Variants in ATOSB observed in about 807,000 individuals in gnomAD.
The protein encoded by ATOSB is atos homolog B, also known as atos homolog protein B.
chr9:35,108,539 G>T, the ATOSB span: 1 of 1,227,252 alleles, frequency 8.1e-7, no homozygotes, highest in Non-Finnish European at 1.0e-6. Flanking sequence ...AGGGTGACAG[G>T]TTTAGCTCAG....
the ATOSB span, among the ~76,000 whole-genome samples, chr9:35,114,375 A>T: frequency 3.8e-4 from 57 of 150,652 alleles, 1 homozygote; most frequent in Non-Finnish European, 7.4e-4. Context: ...TGTCCTCAGC[A>T]GACCCACCCC....
At chr9:35,105,571 A>C in the ATOSB span, 1 of 1,223,516 alleles carries the variant, frequency 8.2e-7, no homozygotes, top group South Asian at 1.5e-5. This position sits in a 1 kb window ranked among gnomAD's most constrained non-coding sequence, Gnocchi z 5.5. Context: ...ACATACATAA[A>C]AATTTAAAAA....
At chr9:35,112,694 T>A in the ATOSB span, among the ~76,000 whole-genome samples, 1 of 152,196 alleles carries the variant, frequency 6.6e-6, no homozygotes, top group Admixed American at 6.5e-5. Context: ...TCGGATAATT[T>A]GGGACTTAGG....
chr9:35,105,758 G>C, the ATOSB span: 1 of 1,614,076 alleles, frequency 6.2e-7, no homozygotes, highest in Non-Finnish European at 8.5e-7. The surrounding 1 kb of genome is among the most constrained non-coding windows in gnomAD (Gnocchi z 5.5). Flanking sequence ...ACCAAAAAGA[G>C]GCGATGGCGC....
chr9:35,105,962 G>T, the ATOSB span: 1 of 1,614,064 alleles, frequency 6.2e-7, no homozygotes, highest in Non-Finnish European at 8.5e-7. This position sits in a 1 kb window ranked among gnomAD's most constrained non-coding sequence, Gnocchi z 5.5. Context: ...TGCCCACCTT[G>T]GGCACGCTGT....
chr9:35,111,713 C>T, the ATOSB span: 1 of 152,480 alleles, frequency 6.6e-6, no homozygotes, highest in East Asian at 1.9e-4. Context: ...AAGCCAGCCT[C>T]CCCGCGACCT....
At chr9:35,106,301 G>C in the ATOSB span, 1 of 1,614,196 alleles carries the variant, frequency 6.2e-7, no homozygotes, top group Non-Finnish European at 8.5e-7. The surrounding 1 kb of genome is among the most constrained non-coding windows in gnomAD (Gnocchi z 4.6). Context: ...GAATGTGACA[G>C]TGACAGGCAG....
At chr9:35,115,133 G>A in the ATOSB span, among the ~76,000 whole-genome samples, 3 of 152,004 alleles carry the variant, frequency 2.0e-5, no homozygotes, top group East Asian at 5.8e-4. Context: ...CGGGGGAAGG[G>A]TCCCCCGGGA....
the ATOSB span, chr9:35,108,279 C>A: frequency 5.2e-6 from 8 of 1,538,840 alleles, no homozygotes; most frequent in Non-Finnish European, 7.0e-6. Context: ...GCGCATGAAG[C>A]CCCCCTTGGG....
chr9:35,106,083 A>G, the ATOSB span: 2 of 1,533,688 alleles, frequency 1.3e-6, no homozygotes, highest in East Asian at 4.8e-5. This position sits in a 1 kb window ranked among gnomAD's most constrained non-coding sequence, Gnocchi z 4.6. Flanking sequence ...GTCCCTCTCC[A>G]CAAGCTCTCA....
chr9:35,106,633 G>A, the ATOSB span: 1 of 1,552,860 alleles, frequency 6.4e-7, no homozygotes, highest in Non-Finnish European at 8.7e-7. The surrounding 1 kb of genome is among the most constrained non-coding windows in gnomAD (Gnocchi z 4.6). Flanking sequence ...CGGAGGCTTC[G>A]AAGGGGGCTC....
chr9:35,107,632 C>T, the ATOSB span: 3 of 1,602,900 alleles, frequency 1.9e-6, no homozygotes, highest in African/African-American at 4.0e-5. Flanking sequence ...CCAGGGGACT[C>T]CCTAGGCCAG....
chr9:35,113,534 G>C, the ATOSB span, among the ~76,000 whole-genome samples: 1 of 152,280 alleles, frequency 6.6e-6, no homozygotes, highest in Admixed American at 6.5e-5. Context: ...TGAGGCAGGA[G>C]AATCACTTGA....
At chr9:35,104,559 CAT>C in the ATOSB span, 2 of 351,384 alleles carry the variant, frequency 5.7e-6, no homozygotes, top group Non-Finnish European at 1.2e-5. Flanking sequence ...CTCACACACA[CAT>C]ACCACACAAA....
the ATOSB span, chr9:35,106,234 G>T: frequency 6.2e-6 from 10 of 1,613,050 alleles, no homozygotes; most frequent in Admixed American, 1.0e-4. This position sits in a 1 kb window ranked among gnomAD's most constrained non-coding sequence, Gnocchi z 4.6. Context: ...TGACTTTGGG[G>T]TTGGAGTCAA....
chr9:35,115,352 A>AACAC, the ATOSB span, among the ~76,000 whole-genome samples: 3 of 152,084 alleles, frequency 2.0e-5, no homozygotes, highest in Admixed American at 2.0e-4. Context: ...TAGAACCCAG[A>AACAC]ACACAAGTGT....
chr9:35,106,991 A>T, the ATOSB span: 1 of 1,055,880 alleles, frequency 9.5e-7, no homozygotes. The surrounding 1 kb of genome is among the most constrained non-coding windows in gnomAD (Gnocchi z 4.6). Context: ...CCTGCCCCCC[A>T]GGCCTCCACC....
the ATOSB span, chr9:35,105,708 G>A: frequency 1.9e-6 from 3 of 1,613,920 alleles, no homozygotes; most frequent in Non-Finnish European, 2.5e-6. This position sits in a 1 kb window ranked among gnomAD's most constrained non-coding sequence, Gnocchi z 5.5. Context: ...AGCAGAGGAG[G>A]CGGTGGGTGG....
chr9:35,115,597 C>G, the ATOSB span: 2 of 127,090 alleles, frequency 1.6e-5, no homozygotes, highest in Non-Finnish European at 3.3e-5. Context: ...ACAGCCCCCT[C>G]ACAATGTACC....
Sources: allele counts gnomAD v4.1 joint callset (sites outside exome capture counted in the v4.1 genomes callset), GRCh38; gene constraint gnomAD v4.1.1; non-coding constraint Gnocchi (gnomAD v3.1); transcripts MANE v1.5; gene names NCBI Gene and HGNC (gene_info 2026-07-23, HGNC 2026-07-21).